PTPRN2: variants seen among roughly 807,000 people sequenced by gnomAD.
The protein encoded by PTPRN2 is protein tyrosine phosphatase receptor type N2, also known as receptor-type tyrosine-protein phosphatase N2.
In PTPRN2, 74 loss-of-function variants were observed where a neutral mutation model predicts 118.8. That is an observed-to-expected ratio of 0.62 (90% CI 0.52 to 0.76). PTPRN2 has a LOEUF of 0.76. Ranked by LOEUF, PTPRN2 falls within the 30% of genes least tolerant of loss-of-function variation. The pLI, the probability that PTPRN2 is intolerant of heterozygous loss-of-function variation, is 0.00. For synonymous variants in PTPRN2, 641 were observed against 608.0 expected, an observed-to-expected ratio of 1.05 and a Z score of -0.80; for missense variants, 1,481 against 1,394.4, an observed-to-expected ratio of 1.06 and a Z score of -0.99.
At chr7:157,695,658 C>T (rs2150847142) in intron 12 of PTPRN2, among the ~76,000 whole-genome samples, 1 of 152,328 alleles carries the variant, frequency 6.6e-6, no homozygotes, top group East Asian at 1.9e-4. Flanking sequence ...AAGACACTTC[C>T]ACAGACAAAT....
intron 21 of PTPRN2, among the ~76,000 whole-genome samples, chr7:157,549,867 G>A (rs934320138): frequency 6.6e-6 from 1 of 152,196 alleles, no homozygotes; most frequent in African/African-American, 2.4e-5. Context: ...AATCCCACAG[G>A]GAAACCCACA....
chr7:158,147,915 T>C (rs1288734287), intron 6 of PTPRN2, among the ~76,000 whole-genome samples: 46 of 129,580 alleles, frequency 3.5e-4, no homozygotes, highest in African/African-American at 1.4e-3. Context: ...TGACACCCCA[T>C]CTCACGCCAC....
intron 12 of PTPRN2, among the ~76,000 whole-genome samples, chr7:157,781,517 G>C (rs1266393704): frequency 6.6e-6 from 1 of 152,190 alleles, no homozygotes; most frequent in African/African-American, 2.4e-5. Flanking sequence ...AGATGAATCT[G>C]TACTAAGAAA....
In PTPRN2 at chr7:157,965,448, C is replaced by T. The variant is rs142362389; in HGVS notation, c.1724-66711G>A. On this transcript the variant is annotated intron_variant, in intron 11 of 22. Coordinates refer to ENST00000389418, the MANE Select transcript of PTPRN2 (RefSeq NM_002847.5). ...ACTGAGCCTTCCCAACACCATTTGG[C>T]ATTCCCAGCTTACACAGCTGAGGGG... Among the ~76,000 whole-genome samples the T allele has an allele frequency of 4.0e-3, 610 of 152,252 alleles. 2 individuals carry two copies. Among genetic ancestry groups the T allele is most frequent in the Non-Finnish European group, 6.3e-3 (428 of 68,010 alleles).
chr7:158,152,765 C>A (rs566525541), intron 6 of PTPRN2, among the ~76,000 whole-genome samples: 25 of 152,342 alleles, frequency 1.6e-4, no homozygotes, highest in Admixed American at 1.5e-3. Flanking sequence ...AAGAGGAGCA[C>A]GTTGGCAAAA....
At chr7:157,588,261 A>G in intron 17 of PTPRN2, among the ~76,000 whole-genome samples, 1 of 152,358 alleles carries the variant, frequency 6.6e-6, no homozygotes, top group East Asian at 1.9e-4. Flanking sequence ...AAAATAGGAA[A>G]GGGGGGATGG....
Position 158,477,630 on chromosome 7 carries a change from G to A in PTPRN2, c.163+12105C>T, listed in dbSNP as rs116655295. Among the ~76,000 whole-genome samples the A allele has an allele frequency of 9.2e-3, 1,394 of 152,206 alleles. 24 individuals are homozygous for A. Among genetic ancestry groups the A allele is most frequent in the African/African-American group, 0.03 (1,241 of 41,514 alleles). Reference sequence around the variant, plus strand: ...AATAATACCGAAGTGGGTCAAGAGAGGCAACCGAGAATTTGATTTTAAAGA... The same window carrying A: ...AATAATACCGAAGTGGGTCAAGAGAAGCAACCGAGAATTTGATTTTAAAGA... On this transcript the variant is annotated intron_variant, in intron 2 of 22. Transcript: ENST00000389418.
Position 157,944,142 on chromosome 7 carries a change from G to A in PTPRN2, c.1724-45405C>T, listed in dbSNP as rs895781177. On this transcript the variant is annotated intron_variant, in intron 11 of 22. Coordinates refer to ENST00000389418, the MANE Select transcript of PTPRN2 (RefSeq NM_002847.5). The surrounding 1 kb of genome is among the most constrained non-coding windows in gnomAD (Gnocchi z 4.3). ...AGCCCAGGACAGGCTCCAGATGCCC[G>A]GCCTTCATGCAGCAAACACCTTCAC... is the stretch of plus-strand genomic sequence containing the variant. Among the ~76,000 whole-genome samples the A allele has an allele frequency of 3.3e-5, 5 of 152,274 alleles. No homozygotes were observed. Among genetic ancestry groups the A allele is most frequent in the Non-Finnish European group, 4.4e-5 (3 of 68,026 alleles).
intron 12 of PTPRN2, among the ~76,000 whole-genome samples, chr7:157,695,279 A>G (rs1473923628): frequency 6.6e-6 from 1 of 152,170 alleles, no homozygotes; most frequent in Non-Finnish European, 1.5e-5. Context: ...CACATATTTC[A>G]GGAATTTAAA....
intron 2 of PTPRN2, among the ~76,000 whole-genome samples, chr7:158,332,712 G>A (rs1420050668): frequency 1.2e-4 from 18 of 150,546 alleles, no homozygotes; most frequent in African/African-American, 4.2e-4. Flanking sequence ...ACCTGCAGAT[G>A]TCACTTACAC....
At chr7:158,016,154 G>A (rs1161130627) in intron 11 of PTPRN2, among the ~76,000 whole-genome samples, 2 of 152,222 alleles carry the variant, frequency 1.3e-5, no homozygotes, top group East Asian at 1.9e-4. Context: ...CGATGCTTCC[G>A]ATTTCAGGAG....
At chr7:158,363,742 C>A (rs546905066) in intron 2 of PTPRN2, among the ~76,000 whole-genome samples, 11 of 152,118 alleles carry the variant, frequency 7.2e-5, no homozygotes, top group Non-Finnish European at 1.3e-4. Flanking sequence ...CGGGAGGGGG[C>A]GGGGCACGGG....
At chr7:157,733,369 T>G (rs545343603) in intron 12 of PTPRN2, among the ~76,000 whole-genome samples, 2 of 44,016 alleles carry the variant, frequency 4.5e-5, no homozygotes, top group African/African-American at 1.1e-4. Flanking sequence ...GTTACTCTTT[T>G]CCGTCCCATG....
chr7:158,053,778 T>TGCAGAGACTCCAGAGAC (rs1563365811), intron 11 of PTPRN2, among the ~76,000 whole-genome samples: 1 of 140,154 alleles, frequency 7.1e-6, no homozygotes, highest in African/African-American at 2.8e-5. Context: ...ACCCCAGAAA[T>TGCAGAGACTCCAGAGAC]GCAGAGACTC....
chr7:157,979,778 A>G (rs1803000547), intron 11 of PTPRN2, among the ~76,000 whole-genome samples: 1 of 152,208 alleles, frequency 6.6e-6, no homozygotes. Context: ...TATGACTCGC[A>G]TCCGTTGCAT....
At chr7:158,482,870 G>A (rs1399545439) in intron 2 of PTPRN2, among the ~76,000 whole-genome samples, 1 of 152,202 alleles carries the variant, frequency 6.6e-6, no homozygotes, top group Non-Finnish European at 1.5e-5. Flanking sequence ...AAATATGGCA[G>A]GGTGGCCCTC....
intron 12 of PTPRN2, among the ~76,000 whole-genome samples, chr7:157,896,447 G>C (rs1160319760): frequency 2.0e-5 from 3 of 151,682 alleles, no homozygotes; most frequent in Non-Finnish European, 4.4e-5. Flanking sequence ...TCAGGTGCGT[G>C]TGGGAAGGAG....
chr7:158,074,961 C>A (rs942229322), intron 11 of PTPRN2, among the ~76,000 whole-genome samples: 3 of 152,350 alleles, frequency 2.0e-5, no homozygotes, highest in African/African-American at 7.2e-5. Flanking sequence ...CCCCGAGTGT[C>A]CCCCACATGC....
At chr7:158,026,781 C>A (rs1563340269) in intron 11 of PTPRN2, among the ~76,000 whole-genome samples, 1 of 152,126 alleles carries the variant, frequency 6.6e-6, no homozygotes, top group Non-Finnish European at 1.5e-5. Flanking sequence ...GGCAGAGTGC[C>A]CTCCACGTAT....
Sources: gnomAD v4.1 joint callset for allele counts (sites outside exome capture counted in the v4.1 genomes callset) on GRCh38, gnomAD v4.1.1 for gene constraint, Gnocchi (gnomAD v3.1) non-coding constraint, MANE v1.5 for transcripts, NCBI Gene and HGNC (gene_info 2026-07-23, HGNC 2026-07-21) for gene names.